The following TNR variants were observed in gnomAD, a reference collection of about 807,000 sequenced individuals.
TNR encodes tenascin R.
A neutral mutation model predicts 150.4 loss-of-function variants in TNR; 45 were observed. The ratio of observed to expected loss-of-function variants is 0.30; its 90% CI spans 0.24 to 0.38. TNR has a LOEUF of 0.38. TNR is among the 10% of genes least tolerant of loss of function. The pLI, the probability that TNR is intolerant of heterozygous loss-of-function variation, is 1.00. For synonymous variants in TNR, 687 were observed against 678.4 expected, an observed-to-expected ratio of 1.01 and a Z score of -0.20; for missense variants, 1,544 against 1,759.1, an observed-to-expected ratio of 0.88 and a Z score of 2.19.
chr1:175,614,915 A>G (rs1385331621), intron 1 of TNR, among the ~76,000 whole-genome samples: 1 of 152,204 alleles, frequency 6.6e-6, no homozygotes, highest in African/African-American at 2.4e-5. Context: ...CAATGAAGCA[A>G]TGAGCAAAAA....
At chr1:175,578,480 G>A (rs1662210612) in intron 1 of TNR, among the ~76,000 whole-genome samples, 1 of 152,158 alleles carries the variant, frequency 6.6e-6, no homozygotes, top group African/African-American at 2.4e-5. Flanking sequence ...TACAAACAGT[G>A]CAAATAGCTC....
At chr1:175,467,217 T>G (rs1657074861) in intron 2 of TNR, among the ~76,000 whole-genome samples, 1 of 152,068 alleles carries the variant, frequency 6.6e-6, no homozygotes, top group Admixed American at 6.6e-5. Flanking sequence ...TGCCTGAGAG[T>G]GAGGTGTCTA....
In TNR at chr1:175,642,341, C is replaced by T. The variant is rs564130189; in HGVS notation, c.-165+100885G>A. 2.0e-5 allele frequency among the ~76,000 whole-genome samples: 3 copies of T among 152,310 alleles called. No homozygotes were observed. The South Asian group carries it at 6.2e-4, about 32-fold the overall frequency. On this transcript the variant is annotated intron_variant, in intron 1 of 22. Transcript: ENST00000367674. Reference sequence around the variant, plus strand: ...TATGCAAAAGCTAGGAAGCATGAAACTGTAGGAAACTTGGCATGTTACTGA... The same window carrying T: ...TATGCAAAAGCTAGGAAGCATGAAATTGTAGGAAACTTGGCATGTTACTGA...
At chr1:175,603,407 TG>T (rs138449508) in intron 1 of TNR, among the ~76,000 whole-genome samples, 342 of 152,312 alleles carry the variant, frequency 2.2e-3, no homozygotes, top group African/African-American at 8.0e-3. Flanking sequence ...AAAGATGGCC[TG>T]AATCATTAAT....
At chr1:175,386,450 A>C in intron 7 of TNR, 149 bp from the exon 8 acceptor site, 2 of 903,232 alleles carry the variant, frequency 2.2e-6, no homozygotes, top group Non-Finnish European at 3.1e-6. Context: ...AAAATGAGAC[A>C]CAGTAAGATG....
rs551782688 is a variant in TNR at position 175,491,376 on chromosome 1, A to G, written c.-64+36893T>C. Reference sequence around the variant, plus strand: ...TAACACATGTACCCCTGAACTTAAAATAAATGTTAAAGAAAAAAATAAATT... The same window carrying G: ...TAACACATGTACCCCTGAACTTAAAGTAAATGTTAAAGAAAAAAATAAATT... On this transcript the variant is annotated intron_variant, in intron 2 of 22. Transcript: ENST00000367674. Among the ~76,000 whole-genome samples the G allele has an allele frequency of 2.0e-5, 3 of 152,330 alleles. No homozygotes were observed. The East Asian group carries it at 5.8e-4, about 29-fold the overall frequency.
intron 1 of TNR, among the ~76,000 whole-genome samples, chr1:175,643,608 A>G (rs1664729195): frequency 6.6e-6 from 1 of 152,212 alleles, no homozygotes. Context: ...GGATCTAGGA[A>G]AAAGAAAAAT....
At chr1:175,636,340 C>T (rs578121341) in intron 1 of TNR, among the ~76,000 whole-genome samples, 1 of 152,308 alleles carries the variant, frequency 6.6e-6, no homozygotes, top group South Asian at 2.1e-4. Context: ...AAGTTTCCCA[C>T]AGACTTAATA....
chr1:175,486,734 C>T (rs1658032416), intron 2 of TNR, among the ~76,000 whole-genome samples: 1 of 152,184 alleles, frequency 6.6e-6, no homozygotes, highest in Admixed American at 6.5e-5. Flanking sequence ...ATTTACACTC[C>T]CACCAACAGT....
intron 2 of TNR, among the ~76,000 whole-genome samples, chr1:175,460,806 G>C (rs1425458952): frequency 6.6e-6 from 1 of 152,326 alleles, no homozygotes; most frequent in East Asian, 1.9e-4. Flanking sequence ...TACCTCTCTA[G>C]AGGCACTTCC....
chr1:175,735,750 G>A (rs368764619), intron 1 of TNR, among the ~76,000 whole-genome samples: 7 of 152,254 alleles, frequency 4.6e-5, no homozygotes, highest in Admixed American at 3.3e-4. Flanking sequence ...AATTCAGAAT[G>A]GTAGAAGAAC....
Position 175,406,336 on chromosome 1 carries a change from A to G in TNR, c.379T>C (p.Cys127Arg), listed in dbSNP as rs1183860143. The G allele has an allele frequency of 1.9e-6, 3 of 1,614,110 alleles. No individual in the cohort carries two copies. The highest frequency in any genetic ancestry group is 1.1e-5 in the South Asian group (1 of 91,068). The change falls in exon 3 of 23, where the codon TGT becomes CGT. Residue 127 changes from cysteine (C) to arginine (R), a missense_variant. Physicochemically the swap from Cys to Arg is radical, Grantham distance 180. Around this residue, in one of 2 missense-constraint regions of TNR, gnomAD observed 1,254 missense variants for 1,329.4 expected, o/e 0.94. Coordinates refer to ENST00000367674, the MANE Select transcript of TNR (RefSeq NM_003285.3). Reference protein sequence around the residue: ...RINFPKKACPCASSAQVLQEL... With the variant: ...RINFPKKACPRASSAQVLQEL... ...TGCAGCACCTGGGCTGAACTGGCAC[A>G]TGGACAGGCCTTTTTGGGGAAGTTG...
At chr1:175,363,618 G>T in intron 13 of TNR, 90 bp downstream of exon 13, 1 of 1,496,458 alleles carries the variant, frequency 6.7e-7, no homozygotes, top group Non-Finnish European at 9.0e-7. Context: ...AAAAACGCAG[G>T]CAGGAGTGGA....
rs542421016 is a variant in TNR, at chr1:175,704,240, G to A, written c.-165+38986C>T. Among the ~76,000 whole-genome samples the A allele has an allele frequency of 1.9e-4, 29 of 152,302 alleles. No individual in the cohort carries two copies. The South Asian group carries it at 5.8e-3, about 30-fold the overall frequency. ...TTACGTGGATTTTACCATAATAAACGAGTTGTGACTTAATAGAAAATCCTT... is the reference window on the plus strand; with the variant it reads ...TTACGTGGATTTTACCATAATAAACAAGTTGTGACTTAATAGAAAATCCTT... On this transcript the variant is annotated intron_variant, in intron 1 of 22. Coordinates refer to ENST00000367674, the MANE Select transcript of TNR (RefSeq NM_003285.3).
intron 2 of TNR, among the ~76,000 whole-genome samples, chr1:175,466,837 A>G (rs1657055702): frequency 6.6e-6 from 1 of 152,126 alleles, no homozygotes; most frequent in African/African-American, 2.4e-5. Context: ...CTGGGTAGGA[A>G]TCCGGGCTCC....
chr1:175,537,652 GC>G (rs1204875252), intron 1 of TNR, among the ~76,000 whole-genome samples: 1 of 152,210 alleles, frequency 6.6e-6, no homozygotes, highest in African/African-American at 2.4e-5. Flanking sequence ...AATGATAAAA[GC>G]TTGACTTTCC....
intron 1 of TNR, among the ~76,000 whole-genome samples, chr1:175,632,835 G>T (rs940609791): frequency 1.3e-5 from 2 of 152,136 alleles, no homozygotes; most frequent in Non-Finnish European, 1.5e-5. Context: ...AGAGCATCTG[G>T]TATCCATGAC....
chr1:175,693,582 C>T (rs1211897733), intron 1 of TNR, among the ~76,000 whole-genome samples: 1 of 152,216 alleles, frequency 6.6e-6, no homozygotes, highest in Non-Finnish European at 1.5e-5. Flanking sequence ...TTCACAATGC[C>T]TCCTCTCCTG....
At chr1:175,613,008 A>T (rs1307096748) in intron 1 of TNR, among the ~76,000 whole-genome samples, 1 of 152,114 alleles carries the variant, frequency 6.6e-6, no homozygotes, top group Non-Finnish European at 1.5e-5. Flanking sequence ...GAAAGACCTT[A>T]AAAAATGTTT....
Sources: gnomAD v4.1 joint callset for allele counts (sites outside exome capture counted in the v4.1 genomes callset) on GRCh38, gnomAD v4.1.1 for gene constraint, gnomAD v4.1.1 regional missense constraint, MANE v1.5 for transcripts, NCBI Gene and HGNC (gene_info 2026-07-23, HGNC 2026-07-21) for gene names.